The following LCORL variants were observed in gnomAD, a reference collection of about 807,000 sequenced individuals.
LCORL encodes ligand dependent nuclear receptor corepressor like.
LCORL carries 41 observed loss-of-function variants against 141.8 expected under a neutral mutation model. The ratio of observed to expected loss-of-function variants is 0.29; its 90% confidence interval spans 0.23 to 0.38. The LOEUF (loss-of-function observed/expected upper bound fraction) is 0.38, where lower values mean the gene tolerates loss of function less well. Ranked by LOEUF, LCORL falls within the 10% of genes least tolerant of loss-of-function variation. The pLI, the probability that LCORL is intolerant of heterozygous loss-of-function variation, is 1.00. For synonymous variants in LCORL, 618 were observed against 694.1 expected (o/e 0.89, Z 1.72); for missense variants, 1,759 against 2,035.0 (o/e 0.86, Z 2.61).
chr4:17,967,461 A>T (rs1715129705), intron 2 of LCORL, among the ~76,000 whole-genome samples: 1 of 152,214 alleles, frequency 6.6e-6, no homozygotes, highest in Non-Finnish European at 1.5e-5. Flanking sequence ...GCTAATATAC[A>T]GGGACCTGAA....
At chr4:18,020,148 G>A (rs1459945359) in intron 1 of LCORL, among the ~76,000 whole-genome samples, 1 of 151,982 alleles carries the variant, frequency 6.6e-6, no homozygotes. Flanking sequence ...TATATTCATC[G>A]CGTTCTGCGG....
At chr4:17,842,481 C>A in exon 8 of LCORL, 1 of 897,324 alleles carries the variant, frequency 1.1e-6, no homozygotes, top group East Asian at 2.6e-5. Flanking sequence ...GAATATATAA[C>A]AAGATAGTGA....
intron 7 of LCORL, among the ~76,000 whole-genome samples, chr4:17,861,050 G>A (rs1465245614): frequency 6.6e-6 from 1 of 152,212 alleles, no homozygotes; most frequent in African/African-American, 2.4e-5. Flanking sequence ...TATGGTGCAA[G>A]CTTTTGGTGG....
intron 2 of LCORL, among the ~76,000 whole-genome samples, chr4:17,970,415 G>C (rs1327602199): frequency 2.6e-5 from 4 of 152,180 alleles, no homozygotes; most frequent in Non-Finnish European, 5.9e-5. Context: ...ATCTGAGCTA[G>C]AGCCTTTGGA....
At chr4:17,983,418 GT>G (rs1050934416) in intron 1 of LCORL, among the ~76,000 whole-genome samples, 1 of 152,074 alleles carries the variant, frequency 6.6e-6, no homozygotes, top group African/African-American at 2.4e-5. Context: ...TTTTCCTTTT[GT>G]TTTTGTCATC....
intron 4 of LCORL, chr4:17,912,211 C>T: frequency 1.3e-6 from 1 of 772,178 alleles, no homozygotes; most frequent in Non-Finnish European, 2.3e-6. Context: ...TGAGACAAAG[C>T]TGGCCGTGCG....
chr4:17,854,728 C>T (rs1238119068), intron 7 of LCORL, among the ~76,000 whole-genome samples: 1 of 151,240 alleles, frequency 6.6e-6, no homozygotes, highest in East Asian at 1.9e-4. Context: ...TCAAAATTTT[C>T]CTTTGGTAGG....
chr4:17,948,607 T>C (rs572277597), intron 4 of LCORL, among the ~76,000 whole-genome samples: 7 of 152,002 alleles, frequency 4.6e-5, no homozygotes, highest in Non-Finnish European at 7.4e-5. Flanking sequence ...GCAATGCAGA[T>C]TTTCTATCAC....
At chr4:17,859,588 G>A (rs1724759942) in intron 7 of LCORL, among the ~76,000 whole-genome samples, 1 of 152,104 alleles carries the variant, frequency 6.6e-6, no homozygotes, top group South Asian at 2.1e-4. Flanking sequence ...CACTAGAAAT[G>A]ATAAATTCAT....
chr4:17,914,276 C>A (rs973892387), intron 4 of LCORL, among the ~76,000 whole-genome samples: 1 of 152,128 alleles, frequency 6.6e-6, no homozygotes, highest in African/African-American at 2.4e-5. Flanking sequence ...GAGATACCAG[C>A]TTTACTTTTA....
At chr4:17,988,629 ATT>A (rs36100827) in intron 1 of LCORL, among the ~76,000 whole-genome samples, 35,676 of 152,052 alleles carry the variant, frequency 0.23, 5,288 homozygotes, top group African/African-American at 0.42. Flanking sequence ...GGTCTAGCAC[ATT>A]GTTTACTGGA....
rs7659195 is a variant in LCORL, at chr4:18,021,069, T to C, written c.154+529A>G. On this transcript the variant is annotated intron_variant, in intron 1 of 7. Coordinates refer to ENST00000635767, the Ensembl canonical transcript of LCORL. This position sits in a 1 kb window ranked among gnomAD's most constrained non-coding sequence, Gnocchi z 5.5. The stretch of plus-strand genomic sequence containing the variant: ...CCATCAGCGGCCCCCGCCCTGCGAG[T>C]GCCCGTGGGTCTCCAGGTCCAGGTC... 0.24 allele frequency among the ~76,000 whole-genome samples: 36,988 copies of C among 151,784 alleles called. 5,865 individuals are homozygous for C. The highest frequency in any genetic ancestry group is 0.45 in the African/African-American group (18,513 of 41,436).
At chr4:17,898,657 T>TG (rs1730366825) in intron 5 of LCORL, among the ~76,000 whole-genome samples, 1 of 151,356 alleles carries the variant, frequency 6.6e-6, no homozygotes, top group Non-Finnish European at 1.5e-5. Context: ...TCACCGTTTT[T>TG]TTTTTTTTTT....
chr4:17,877,136 AGAG>A (rs1727006813), exon 7 of LCORL: 1 of 1,230,782 alleles, frequency 8.1e-7, no homozygotes, highest in Admixed American at 4.2e-5. Context: ...TGGGTGAATC[AGAG>A]GAGTTGCGCA....
chr4:17,856,324 G>A (rs1013135734), intron 7 of LCORL, among the ~76,000 whole-genome samples: 14 of 152,256 alleles, frequency 9.2e-5, no homozygotes, highest in East Asian at 5.8e-4. Context: ...AATTAAGGTC[G>A]TAAGAGTGAA....
Position 18,021,713 on chromosome 4 carries a change from G to C in LCORL, c.39C>G (p.Ala13=), listed in dbSNP as rs577955980. The change falls in exon 1 of 8, where the codon GCC becomes GCG. Residue 13 remains alanine, a synonymous_variant. Transcript: ENST00000635767. This position sits in a 1 kb window ranked among gnomAD's most constrained non-coding sequence, Gnocchi z 5.5. Reference sequence around the variant, plus strand: ...CGGCGGCGGCGGCGGCGGCAGCAGCGGCGGCGGCAGCGGCCATTCTCTCTC... The same window carrying C: ...CGGCGGCGGCGGCGGCGGCAGCAGCCGCGGCGGCAGCGGCCATTCTCTCTC... 7,275 of 1,525,380 alleles carry C rather than the reference G, an allele frequency of 4.8e-3. 33 individuals carry two copies. Among genetic ancestry groups the C allele is most frequent in the Non-Finnish European group, 5.8e-3 (6,628 of 1,136,744 alleles). The allele number at this position is 1,525,380 out of a possible 1,614,324, so 94.5% of individuals were successfully genotyped here. A position where few individuals can be genotyped will look rare whatever the true frequency, so the allele number is the denominator to read the frequency against.
At chr4:17,842,983 C>CAA (rs1722563385) in exon 8 of LCORL, 1 of 176,052 alleles carries the variant, frequency 5.7e-6, no homozygotes, top group Non-Finnish European at 1.2e-5. Context: ...TCTTGAGTTT[C>CAA]AAAGAAATCT....
chr4:17,917,001 C>G (rs913460495), intron 4 of LCORL, among the ~76,000 whole-genome samples: 8 of 150,826 alleles, frequency 5.3e-5, no homozygotes, highest in African/African-American at 2.0e-4. Context: ...TTTCTCGAGA[C>G]AGTCTCACTC....
At chr4:17,841,246 T>TATTA (rs1722372658) in exon 8 of LCORL, 1 of 151,984 alleles carries the variant, frequency 6.6e-6, no homozygotes, top group African/African-American at 2.4e-5. Flanking sequence ...AATGCATGCT[T>TATTA]ATTACAGAAG....
Sources: allele counts gnomAD v4.1 joint callset (sites outside exome capture counted in the v4.1 genomes callset), GRCh38; gene constraint gnomAD v4.1.1; non-coding constraint Gnocchi (gnomAD v3.1); transcripts MANE v1.5; gene names NCBI Gene and HGNC (gene_info 2026-07-23, HGNC 2026-07-21).